The following SPOCK3 variants were observed in gnomAD, a reference collection of about 807,000 sequenced individuals.
SPOCK3 encodes SPARC (osteonectin), cwcv and kazal like domains proteoglycan 3.
Under a neutral mutation model 56.6 loss-of-function variants are expected in SPOCK3, and 30 were observed. The ratio of observed to expected loss-of-function variants is 0.53; its 90% CI spans 0.40 to 0.72. The LOEUF is 0.72. Among genes scored for constraint, SPOCK3 ranks in the 30% least tolerant of loss-of-function variants. The probability of loss-of-function intolerance (pLI) is 0.00; values close to 1 mark genes in which losing one functional copy is unlikely to be tolerated. For synonymous variants in SPOCK3, 196 were observed against 183.3 expected (o/e 1.07, Z -0.56); for missense variants, 527 against 530.0 (o/e 0.99, Z 0.06).
intron 2 of SPOCK3, among the ~76,000 whole-genome samples, chr4:167,105,109 G>C (rs562583651): frequency 5.2e-4 from 79 of 151,968 alleles, no homozygotes; most frequent in Non-Finnish European, 8.7e-4. Flanking sequence ...AAATGCTAGA[G>C]AGTTTTTCAG....
chr4:166,765,861 G>T (rs1319100410), intron 7 of SPOCK3, among the ~76,000 whole-genome samples: 1 of 151,934 alleles, frequency 6.6e-6, no homozygotes, highest in Non-Finnish European at 1.5e-5. Flanking sequence ...CTTTTATTTT[G>T]TTGAGCAGTG....
At chr4:166,946,805 G>T (rs972924385) in intron 4 of SPOCK3, among the ~76,000 whole-genome samples, 3 of 152,168 alleles carry the variant, frequency 2.0e-5, no homozygotes, top group Non-Finnish European at 4.4e-5. Context: ...ATGGTGTCTA[G>T]TTCCGTTTTC....
Position 166,742,012 on chromosome 4 carries a change from C to G in SPOCK3, c.979G>C (p.Val327Leu), listed in dbSNP as rs770414288. The change falls in exon 9 of 11, where the codon GTA (valine) becomes CTA (leucine). Residue 327 changes from valine to leucine, a missense_variant. Transcript: ENST00000357545. ...ELSNIQKRQG[V>L]KKLLGQYIPL... ...TATTACTCACCTAGGAGCTTCTTTACCCCTTGCCGCTTCTGAATATTGCTG... is the reference window on the plus strand; with the variant it reads ...TATTACTCACCTAGGAGCTTCTTTAGCCCTTGCCGCTTCTGAATATTGCTG... The G allele has an allele frequency of 6.2e-7, 1 of 1,612,510 alleles. No individual in the cohort carries two copies. The highest frequency in any genetic ancestry group is 8.5e-7 in the Non-Finnish European group (1 of 1,178,848).
intron 6 of SPOCK3, among the ~76,000 whole-genome samples, chr4:166,853,278 G>A (rs982143798): frequency 1.3e-5 from 2 of 152,142 alleles, no homozygotes; most frequent in African/African-American, 4.8e-5. Context: ...AAAGTCAAAT[G>A]TAAGATAGGT....
At chr4:166,966,292 C>T (rs1050643288) in intron 4 of SPOCK3, among the ~76,000 whole-genome samples, 4 of 150,662 alleles carry the variant, frequency 2.7e-5, no homozygotes, top group Non-Finnish European at 4.4e-5. Flanking sequence ...ATTTACTTCA[C>T]TCATTATTGA....
chr4:166,919,437 A>G (rs1447275047), intron 4 of SPOCK3, among the ~76,000 whole-genome samples: 2 of 152,200 alleles, frequency 1.3e-5, no homozygotes, highest in Non-Finnish European at 2.9e-5. Context: ...TACTGAAGGC[A>G]TCAATAAACT....
intron 4 of SPOCK3, among the ~76,000 whole-genome samples, chr4:166,937,712 C>G (rs1561029888): frequency 6.7e-6 from 1 of 149,016 alleles, no homozygotes; most frequent in East Asian, 2.0e-4. Flanking sequence ...CAAGCTTATC[C>G]CTAAAGTAAT....
intron 4 of SPOCK3, among the ~76,000 whole-genome samples, chr4:166,928,790 A>G (rs1739400992): frequency 6.6e-6 from 1 of 152,120 alleles, no homozygotes; most frequent in East Asian, 1.9e-4. Context: ...CAACATGGTG[A>G]AGCCCCATCT....
chr4:167,060,467 C>G (rs944257241), intron 3 of SPOCK3, among the ~76,000 whole-genome samples: 1 of 151,968 alleles, frequency 6.6e-6, no homozygotes, highest in African/African-American at 2.4e-5. Context: ...TCAGTGTGGT[C>G]TACAACTAGG....
At chr4:167,206,121 C>G (rs1447988120) in intron 2 of SPOCK3, among the ~76,000 whole-genome samples, 1 of 151,794 alleles carries the variant, frequency 6.6e-6, no homozygotes, top group East Asian at 1.9e-4. Flanking sequence ...GTCAGGAGTT[C>G]GAGACCAGCC....
At position 166,992,026 on chromosome 4, in the gene SPOCK3, G is replaced by T. The variant is rs6857340; in HGVS notation, c.350+8323C>A. Among the ~76,000 whole-genome samples the T allele has an allele frequency of 1.9e-3, 295 of 152,262 alleles. 1 individual carries two copies. The highest frequency in any genetic ancestry group is 6.7e-3 in the African/African-American group (279 of 41,570). On this transcript the variant is annotated intron_variant, in intron 4 of 10. Transcript: ENST00000357545. ...GTTAAGTAAATTATGGGATAGTCTT[G>T]TAATGGGTTTCTTTACAGCCATTCA...
intron 8 of SPOCK3, among the ~76,000 whole-genome samples, chr4:166,748,209 G>T (rs1196994960): frequency 1.5e-5 from 2 of 131,510 alleles, no homozygotes; most frequent in Non-Finnish European, 3.2e-5. Flanking sequence ...CAAAGCTGGA[G>T]GCATCATGCT....
chr4:167,122,041 CCCTT>C (rs1401806291), intron 2 of SPOCK3, among the ~76,000 whole-genome samples: 3 of 149,920 alleles, frequency 2.0e-5, no homozygotes, highest in Non-Finnish European at 4.5e-5. Flanking sequence ...CTGCCTCCCT[CCCTT>C]CCTTCCTCCA....
intron 2 of SPOCK3, among the ~76,000 whole-genome samples, chr4:167,214,666 T>C (rs1735193684): frequency 1.3e-5 from 2 of 152,178 alleles, no homozygotes; most frequent in African/African-American, 4.8e-5. Context: ...TCTGTAATTT[T>C]ACACACAGAG....
chr4:166,787,415 C>T (rs1740846044), intron 7 of SPOCK3, among the ~76,000 whole-genome samples: 1 of 152,028 alleles, frequency 6.6e-6, no homozygotes, highest in African/African-American at 2.4e-5. Flanking sequence ...TAACTAATAA[C>T]TAATAAAAAT....
intron 6 of SPOCK3, among the ~76,000 whole-genome samples, chr4:166,829,979 C>T (rs1745867884): frequency 6.6e-6 from 1 of 152,116 alleles, no homozygotes; most frequent in Non-Finnish European, 1.5e-5. Flanking sequence ...TTTTAAGAAT[C>T]TCATTTCTCT....
At chr4:167,089,916 C>T (rs1580257994) in intron 2 of SPOCK3, among the ~76,000 whole-genome samples, 1 of 152,012 alleles carries the variant, frequency 6.6e-6, no homozygotes, top group African/African-American at 2.4e-5. Context: ...TGCTCTTTCC[C>T]GTAGTATGGA....
At chr4:167,082,246 T>C (rs531177641) in intron 2 of SPOCK3, among the ~76,000 whole-genome samples, 6 of 152,114 alleles carry the variant, frequency 3.9e-5, no homozygotes, top group Non-Finnish European at 8.8e-5. Flanking sequence ...TAGTTAATTA[T>C]GTAGTATAAG....
At chr4:167,200,236 T>A (rs1733386252) in intron 2 of SPOCK3, among the ~76,000 whole-genome samples, 1 of 152,116 alleles carries the variant, frequency 6.6e-6, no homozygotes, top group Non-Finnish European at 1.5e-5. Flanking sequence ...CTTAAACAGA[T>A]GATCAGCTTA....
Sources: gnomAD v4.1 joint callset for allele counts (sites outside exome capture counted in the v4.1 genomes callset) on GRCh38, gnomAD v4.1.1 for gene constraint, MANE v1.5 for transcripts, NCBI Gene and HGNC (gene_info 2026-07-23, HGNC 2026-07-21) for gene names.